Variants in TMEM25 observed in about 807,000 individuals in gnomAD.
TMEM25 encodes 0610039J01Rik.
TMEM25 carries 36 observed loss-of-function variants against 37.0 expected under a neutral mutation model. That is an observed-to-expected ratio of 0.97 (90% CI 0.75 to 1.28). The LOEUF is 1.28. Ranked by LOEUF, TMEM25 falls within the 50% of genes most tolerant of loss-of-function variation. TMEM25 has a pLI of 0.00. For missense variants in TMEM25, 444 were observed against 477.9 expected (o/e 0.93, Z 0.66); for synonymous variants, 197 against 203.7 (o/e 0.97, Z 0.28).
At chr11:118,540,786 CA>C (rs1483081992), downstream of TMEM25, among the ~76,000 whole-genome samples, 1 of 152,166 alleles carries the variant, frequency 6.6e-6, no homozygotes, top group Non-Finnish European at 1.5e-5. Flanking sequence ...TTATGCAGAT[CA>C]AAACCTAGCA....
At chr11:118,546,538 T>G, downstream of TMEM25, 1 of 209,912 alleles carries the variant, frequency 4.8e-6, no homozygotes, top group Non-Finnish European at 9.7e-6. Context: ...AACAAATTGA[T>G]CTTGGACTAC....
At chr11:118,532,092 C>A in intron 2 of TMEM25, 58 bp from the exon 3 acceptor site, 2 of 1,464,284 alleles carry the variant, frequency 1.4e-6, no homozygotes, top group South Asian at 2.8e-5. Context: ...AATTCCTGGT[C>A]ACAGCACAGT....
At position 118,543,813 on chromosome 11, in the gene TMEM25, T is replaced by C. The variant is rs1279468256; in HGVS notation, c.1028-2306T>C. Among the ~76,000 whole-genome samples, 234 of 143,662 alleles carry C rather than the reference T, an allele frequency of 1.6e-3. 1 individual carries two copies. Among genetic ancestry groups the C allele is most frequent in the African/African-American group, 6.0e-3 (231 of 38,510 alleles). The allele number at this position is 143,662 out of a possible 152,430, so 94.2% of individuals were successfully genotyped here. A position where few individuals can be genotyped will look rare whatever the true frequency, so the allele number is the denominator to read the frequency against. ...ATTCCCCATATTAAACACCCCCTTT[T>C]TTTTTTTTTTTGAGATGCAGTTTTG... On this transcript the variant is annotated intron_variant, in intron 8 of 8. Transcript: ENST00000354284.
chr11:118,534,925 T>G lies in TMEM25; in HGVS notation c.*345T>G. 1 of 1,185,542 alleles carries G rather than the reference T, an allele frequency of 8.4e-7. No homozygotes were observed. Among genetic ancestry groups the G allele is most frequent in the Non-Finnish European group, 1.1e-6 (1 of 946,918 alleles). The allele number at this position is 1,185,542 out of a possible 1,614,324, so 73.4% of individuals were successfully genotyped here. On this transcript the variant is annotated 3_prime_UTR_variant, in exon 9 of 9. Transcript: ENST00000313236. The surrounding 1 kb of genome is among the most constrained non-coding windows in gnomAD (Gnocchi z 4.6). ...TCCAAGTGTGGCATGGCCTGCTGTA[T>G]ACCCCACCCCAGTACTCCACAGCAC...
chr11:118,538,235 G>A (rs1479258348), downstream of TMEM25, among the ~76,000 whole-genome samples: 2 of 151,914 alleles, frequency 1.3e-5, no homozygotes, highest in African/African-American at 2.4e-5. Context: ...GCAGGGGTAC[G>A]ATCTCAGCTC....
chr11:118,544,666 C>G lies in TMEM25; in HGVS notation c.1028-1453C>G, dbSNP rs546689601. The stretch of plus-strand genomic sequence containing the variant: ...TAACCTCCATGGGATCTCAGAAATT[C>G]CAATTCTTATAACTCAAATCCCCAC... On this transcript the variant is annotated intron_variant, in intron 8 of 8. Coordinates refer to the TMEM25 transcript ENST00000354284. 1.8e-3 allele frequency: 786 copies of G among 429,800 alleles called. 4 individuals carry two copies. The highest frequency in any genetic ancestry group is 2.8e-3 in the Non-Finnish European group (680 of 240,728). The allele number at this position is 429,800 out of a possible 1,614,324, so 26.6% of individuals were successfully genotyped here. A position where few individuals can be genotyped will look rare whatever the true frequency, so the allele number is the denominator to read the frequency against.
At position 118,533,482 on chromosome 11, in the gene TMEM25, C is replaced by G. The variant is rs781783545; in HGVS notation, c.736C>G (p.Leu246Val). The change falls in exon 5 of 9, where the codon CTG becomes GTG. Residue 246 changes from leucine (L) to valine (V), a missense_variant. Coordinates refer to ENST00000313236, the MANE Select transcript of TMEM25 (RefSeq NM_032780.4). ...CATTGTTGTGGCTGCTGGGCTTGCA[C>G]TGGGCACCCTCGTGGGGTTCAGCAC... ...LGIVVAAGLA[L>V]GTLVGFSTLV... The G allele has an allele frequency of 3.7e-6, 6 of 1,614,102 alleles. No homozygotes were observed. Among genetic ancestry groups the G allele is most frequent in the Admixed American group, 1.7e-5 (1 of 60,012 alleles).
exon 9 of TMEM25, chr11:118,546,332 T>C (rs1951685395): frequency 1.7e-6 from 1 of 586,324 alleles, no homozygotes; most frequent in South Asian, 2.1e-5. Context: ...ATTCCATCTC[T>C]ACAAAAAAAT....
In TMEM25 at chr11:118,533,861, C is replaced by T. The variant is rs1951413822; in HGVS notation, c.810C>T (p.Pro270=). ...ACATGGTTTCTTTCTCCACAGGCCC[C>T]TCCCGGCACCCATCTCTGATATCAA... ...VCRKEKKTKG[P]SRHPSLISSD... The change falls in exon 6 of 9, where the codon CCC becomes CCT. Residue 270 remains proline, a synonymous_variant. Transcript: ENST00000313236. 11 of 1,614,090 alleles carry T rather than the reference C, an allele frequency of 6.8e-6. No homozygotes were observed. The highest frequency in any genetic ancestry group is 1.7e-4 in the Middle Eastern group (1 of 6,024).
chr11:118,536,527 C>CA, downstream of TMEM25, among the ~76,000 whole-genome samples: 1 of 152,264 alleles, frequency 6.6e-6, no homozygotes, highest in East Asian at 1.9e-4. Flanking sequence ...TTTCCAGTCT[C>CA]ACAGTGGAAA....
downstream of TMEM25, chr11:118,535,981 G>A (rs569803846): frequency 1.1e-4 from 39 of 344,604 alleles, no homozygotes; most frequent in South Asian, 3.3e-3. Flanking sequence ...AGATTCAAAC[G>A]ATTCTCCTGC....
chr11:118,535,658 TAC>T lies in TMEM25; in HGVS notation c.*1079_*1080del. ...AACATGGAGAAAGAAGGAGACCACA[TAC>T]CCCAAAGTGACCTAAGAACACTTTA... is the stretch of plus-strand genomic sequence containing the variant. On this transcript the variant is annotated 3_prime_UTR_variant, in exon 9 of 9. Transcript: ENST00000313236. The T allele has an allele frequency of 6.6e-7, 1 of 1,509,438 alleles. No homozygotes were observed. The highest frequency in any genetic ancestry group is 8.9e-7 in the Non-Finnish European group (1 of 1,128,134). The allele number at this position is 1,509,438 out of a possible 1,614,324, so 93.5% of individuals were successfully genotyped here.
chr11:118,538,468 T>C (rs1951538610), downstream of TMEM25, among the ~76,000 whole-genome samples: 1 of 152,052 alleles, frequency 6.6e-6, no homozygotes, highest in Non-Finnish European at 1.5e-5. Context: ...CGCCAGGCTT[T>C]GTCTTTTTAA....
intron 3 of TMEM25, 169 bp downstream of exon 3, chr11:118,532,630 AT>A: frequency 2.3e-6 from 2 of 871,732 alleles, no homozygotes; most frequent in Non-Finnish European, 3.4e-6. Flanking sequence ...TGTCGTCACC[AT>A]TTTACAAATA....
At chr11:118,540,706 C>T (rs1951567037), downstream of TMEM25, among the ~76,000 whole-genome samples, 1 of 152,200 alleles carries the variant, frequency 6.6e-6, no homozygotes, top group Non-Finnish European at 1.5e-5. Flanking sequence ...GGGTGACAGA[C>T]CCATTGGAGA....
intron 3 of TMEM25, 135 bp downstream of exon 3, chr11:118,532,596 G>A: frequency 1.9e-6 from 2 of 1,032,602 alleles, no homozygotes; most frequent in Non-Finnish European, 2.7e-6. Context: ...GATCCTCTGA[G>A]TAACCCCATG....
downstream of TMEM25, among the ~76,000 whole-genome samples, chr11:118,538,758 T>C (rs1364115345): frequency 6.6e-6 from 1 of 151,770 alleles, no homozygotes; most frequent in East Asian, 1.9e-4. Flanking sequence ...CTGGGCATGG[T>C]GGCATGTAGC....
At chr11:118,547,234 C>T (rs964015516), downstream of TMEM25, 8 of 152,136 alleles carry the variant, frequency 5.3e-5, no homozygotes, top group Non-Finnish European at 1.2e-4. Flanking sequence ...GTAGAGCTTA[C>T]ATTTTAGTAG....
chr11:118,543,733 C>T (rs566536699), intron 8 of TMEM25, among the ~76,000 whole-genome samples: 6 of 152,150 alleles, frequency 3.9e-5, no homozygotes, highest in Non-Finnish European at 5.9e-5. Context: ...GTGATCCACC[C>T]GCCTCAGCCT....
Sources: gnomAD v4.1 joint callset for allele counts (sites outside exome capture counted in the v4.1 genomes callset) on GRCh38, gnomAD v4.1.1 for gene constraint, Gnocchi (gnomAD v3.1) non-coding constraint, MANE v1.5 for transcripts, NCBI Gene and HGNC (gene_info 2026-07-23, HGNC 2026-07-21) for gene names.